RBFOX1: variants seen among roughly 807,000 people sequenced by gnomAD.
RBFOX1 encodes the protein RNA binding fox-1 homolog 1.
A neutral mutation model predicts 57.7 loss-of-function variants in RBFOX1; 8 were observed. That is an observed-to-expected ratio of 0.14 (90% CI 0.08 to 0.25). The LOEUF (loss-of-function observed/expected upper bound fraction) is 0.25, where lower values mean the gene tolerates loss of function less well. Ranked by LOEUF, RBFOX1 falls within the 10% of genes least tolerant of loss-of-function variation. The pLI is 1.00. For missense variants in RBFOX1, 611 were observed against 548.5 expected (o/e 1.11, Z -1.14); for synonymous variants, 326 against 222.4 (o/e 1.47, Z -4.15).
chr16:6,990,252 C>T lies in RBFOX1; in HGVS notation c.-15-61805C>T, dbSNP rs28637829. On this transcript the variant is annotated intron_variant, in intron 3 of 15. Transcript: ENST00000550418. ...AAAAATTCTGATAGTGGCCAGATAGCGGTAGCTCACGGCTGTAATCCCAGT... is the reference window on the plus strand; with the variant it reads ...AAAAATTCTGATAGTGGCCAGATAGTGGTAGCTCACGGCTGTAATCCCAGT... Among the ~76,000 whole-genome samples the T allele has an allele frequency of 3.6e-3, 555 of 152,192 alleles. 9 individuals are homozygous for T. The highest frequency in any genetic ancestry group is 0.013 in the African/African-American group (536 of 41,536).
chr16:7,237,673 C>G (rs749159542), intron 4 of RBFOX1, among the ~76,000 whole-genome samples: 1 of 152,140 alleles, frequency 6.6e-6, no homozygotes, highest in Non-Finnish European at 1.5e-5. Flanking sequence ...ATAAACAAAA[C>G]GTGGTGTATA....
chr16:6,662,874 A>C (rs954157339), intron 3 of RBFOX1, among the ~76,000 whole-genome samples: 4 of 152,316 alleles, frequency 2.6e-5, no homozygotes, highest in African/African-American at 9.6e-5. Flanking sequence ...CTTTAAAACA[A>C]ATACTCCCAT....
chr16:5,679,541 C>A (rs1387361083), intron 3 of RBFOX1, among the ~76,000 whole-genome samples: 1 of 152,076 alleles, frequency 6.6e-6, no homozygotes, highest in Non-Finnish European at 1.5e-5. Context: ...GTGTGGCGTT[C>A]CCCTCCCTGT....
chr16:6,734,314 A>C (rs941621541), intron 3 of RBFOX1, among the ~76,000 whole-genome samples: 2 of 152,190 alleles, frequency 1.3e-5, no homozygotes, highest in South Asian at 4.1e-4. Context: ...CTTTGTTCAG[A>C]AGGCAAAAAG....
intron 1 of RBFOX1, among the ~76,000 whole-genome samples, chr16:6,041,492 C>A (rs150720321): frequency 3.2e-4 from 49 of 152,198 alleles, no homozygotes; most frequent in Admixed American, 2.0e-3. Context: ...TTCATTCAAC[C>A]CTTACACTAA....
intron 3 of RBFOX1, among the ~76,000 whole-genome samples, chr16:5,848,529 A>C (rs530393992): frequency 1.3e-5 from 2 of 152,364 alleles, no homozygotes; most frequent in East Asian, 1.9e-4. Flanking sequence ...ACTATGGGTA[A>C]AACAAAGTTT....
chr16:7,076,812 C>T (rs1399924904), intron 4 of RBFOX1, among the ~76,000 whole-genome samples: 1 of 152,180 alleles, frequency 6.6e-6, no homozygotes, highest in Non-Finnish European at 1.5e-5. Flanking sequence ...CACTCATATA[C>T]CTCCTGTGAG....
intron 4 of RBFOX1, among the ~76,000 whole-genome samples, chr16:5,948,998 C>G (rs540335026): frequency 1.0e-3 from 155 of 152,232 alleles, no homozygotes; most frequent in African/African-American, 3.6e-3. Context: ...ATCTCTTTCT[C>G]TCTATGTGTT....
intron 3 of RBFOX1, among the ~76,000 whole-genome samples, chr16:6,836,111 G>A (rs537036955): frequency 7.9e-4 from 120 of 152,314 alleles, no homozygotes; most frequent in Middle Eastern, 3.4e-3. Flanking sequence ...AGACAATCAT[G>A]CATTCCTTTT....
chr16:7,003,024 TC>T (rs2092969455), intron 3 of RBFOX1, among the ~76,000 whole-genome samples: 4 of 141,002 alleles, frequency 2.8e-5, no homozygotes, highest in Admixed American at 7.0e-5. Context: ...TCTTTTTTTT[TC>T]TTCTTCTTTT....
rs567167920 is a variant in RBFOX1, at chr16:6,968,981, G to T, written c.-15-83076G>T. 1.1e-4 allele frequency among the ~76,000 whole-genome samples: 17 copies of T among 152,158 alleles called. No individual in the cohort carries two copies. The South Asian group carries it at 3.3e-3, about 30-fold the overall frequency. ...GGTGCTCAGGATGTGTACTTTGAGG[G>T]AAGGAAGATATCTGAGCAAAGTCAG... On this transcript the variant is annotated intron_variant, in intron 3 of 15. Transcript: ENST00000550418.
intron 4 of RBFOX1, among the ~76,000 whole-genome samples, chr16:5,869,949 T>G (rs1244852598): frequency 1.3e-5 from 2 of 152,008 alleles, no homozygotes; most frequent in Non-Finnish European, 2.9e-5. Flanking sequence ...AACAGATCAA[T>G]CAATAGTGGT....
At chr16:6,562,450 G>A (rs2097190878) in intron 2 of RBFOX1, among the ~76,000 whole-genome samples, 1 of 152,196 alleles carries the variant, frequency 6.6e-6, no homozygotes, top group African/African-American at 2.4e-5. Context: ...TGATCACTGT[G>A]GAAATTCAGC....
At chr16:6,268,359 G>T (rs1410910045) in intron 1 of RBFOX1, among the ~76,000 whole-genome samples, 1 of 152,068 alleles carries the variant, frequency 6.6e-6, no homozygotes. Context: ...CGCCTTCCAG[G>T]ACAGTGCTCA....
chr16:7,081,523 C>T, intron 4 of RBFOX1, among the ~76,000 whole-genome samples: 1 of 152,144 alleles, frequency 6.6e-6, no homozygotes, highest in East Asian at 1.9e-4. Context: ...ACTCATTTCT[C>T]ACTAATGATG....
chr16:7,038,560 G>A (rs2045216145), intron 3 of RBFOX1, among the ~76,000 whole-genome samples: 1 of 152,142 alleles, frequency 6.6e-6, no homozygotes, highest in Non-Finnish European at 1.5e-5. Context: ...GACATTTCGT[G>A]GTTTAGCTTG....
chr16:6,193,100 G>T (rs917642185), intron 1 of RBFOX1, among the ~76,000 whole-genome samples: 1 of 151,830 alleles, frequency 6.6e-6, no homozygotes, highest in Non-Finnish European at 1.5e-5. Context: ...CTCTAACTCT[G>T]TAATACATTT....
At chr16:5,383,178 C>G (rs758027434) in intron 1 of RBFOX1, among the ~76,000 whole-genome samples, 1 of 152,168 alleles carries the variant, frequency 6.6e-6, no homozygotes, top group Admixed American at 6.5e-5. Context: ...ACACAGCCAA[C>G]AAGTCTTCAC....
At chr16:5,810,191 G>A (rs2055370394) in intron 3 of RBFOX1, among the ~76,000 whole-genome samples, 1 of 137,834 alleles carries the variant, frequency 7.3e-6, no homozygotes, top group Non-Finnish European at 1.6e-5. Context: ...TGGGGGAGGA[G>A]GGAGGGATAG....
Sources: gnomAD v4.1 joint callset for allele counts (sites outside exome capture counted in the v4.1 genomes callset) on GRCh38, gnomAD v4.1.1 for gene constraint, MANE v1.5 for transcripts, NCBI Gene and HGNC (gene_info 2026-07-23, HGNC 2026-07-21) for gene names.